The following NINJ2 variants were observed in gnomAD, a reference collection of about 807,000 sequenced individuals.
The protein encoded by NINJ2 is ninjurin 2, also known as ninjurin-2.
A neutral mutation model predicts 11.7 loss-of-function variants in NINJ2; 12 were observed. That is an observed-to-expected ratio of 1.02 (90% CI 0.66 to 1.66). The LOEUF (loss-of-function observed/expected upper bound fraction) is 1.66. Ranked by LOEUF, NINJ2 falls within the 40% of genes most tolerant of loss-of-function variation. NINJ2 has a pLI of 0.00. For missense variants in NINJ2, 187 were observed against 181.8 expected, an observed-to-expected ratio of 1.03 and a Z score of -0.16; for synonymous variants, 93 against 76.8, an observed-to-expected ratio of 1.21 and a Z score of -1.10.
intron 1 of NINJ2, among the ~76,000 whole-genome samples, chr12:606,612 C>G (rs1947945029): frequency 6.6e-6 from 1 of 152,150 alleles, no homozygotes; most frequent in South Asian, 2.1e-4. Flanking sequence ...CAGACATGAG[C>G]TCCAGAGGAC....
At chr12:565,765 G>A (rs1947288403) in intron 2 of NINJ2, 185 bp downstream of exon 2, 5 of 675,472 alleles carry the variant, frequency 7.4e-6, no homozygotes, top group African/African-American at 1.8e-5. Context: ...AGACAGGACA[G>A]GGCGCCTGCC....
chr12:565,577 TG>T, intron 2 of NINJ2, 176 bp from the exon 3 acceptor site: 1 of 659,220 alleles, frequency 1.5e-6, no homozygotes, highest in Admixed American at 2.8e-5. Flanking sequence ...ACCAGTACAA[TG>T]GGGCACCCTA....
intron 1 of NINJ2, chr12:642,976 C>A: frequency 6.7e-6 from 1 of 150,284 alleles, no homozygotes; most frequent in South Asian, 1.8e-4. Context: ...GCCCGGCCCT[C>A]CCTCCCCAGC....
chr12:569,874 C>T (rs1039084597), intron 1 of NINJ2, among the ~76,000 whole-genome samples: 1 of 152,238 alleles, frequency 6.6e-6, no homozygotes, highest in African/African-American at 2.4e-5. Flanking sequence ...CTGCCTTTCA[C>T]TGCGGGTGCT....
At position 591,649 on chromosome 12, in the gene NINJ2, G is replaced by T. The variant is rs936224349; in HGVS notation, c.34-25471C>A. 6.6e-6 allele frequency among the ~76,000 whole-genome samples: 1 copy of T among 152,172 alleles called. No homozygotes were observed. The highest frequency in any genetic ancestry group is 2.4e-5 in the African/African-American group (1 of 41,450). Reference sequence around the variant, plus strand: ...TCCCTGGAGGGACAGTGTCTGCTGTGAACAGATGTCACGGAGGGAGCAGTG... The same window carrying T: ...TCCCTGGAGGGACAGTGTCTGCTGTTAACAGATGTCACGGAGGGAGCAGTG... On this transcript the variant is annotated intron_variant, in intron 1 of 3. Transcript: ENST00000305108. The surrounding 1 kb of genome is among the most constrained non-coding windows in gnomAD (Gnocchi z 5.0).
At chr12:618,713 G>A (rs1028965872) in intron 1 of NINJ2, among the ~76,000 whole-genome samples, 10 of 152,330 alleles carry the variant, frequency 6.6e-5, no homozygotes, top group Middle Eastern at 6.8e-3. Flanking sequence ...TCTTATCGCA[G>A]AAGTTCTGTC....
At chr12:570,394 G>A (rs996361068) in intron 1 of NINJ2, among the ~76,000 whole-genome samples, 2 of 152,226 alleles carry the variant, frequency 1.3e-5, no homozygotes, top group African/African-American at 4.8e-5. Context: ...CTAGCGGGAG[G>A]AGAGGATCAG....
At chr12:610,679 T>C (rs921613795) in intron 1 of NINJ2, 46 of 967,756 alleles carry the variant, frequency 4.8e-5, no homozygotes, top group Non-Finnish European at 9.8e-6. Flanking sequence ...TCAACCTTGT[T>C]TAGCAGAACT....
intron 1 of NINJ2, among the ~76,000 whole-genome samples, chr12:568,258 T>C (rs1319854536): frequency 6.6e-6 from 1 of 152,240 alleles, no homozygotes; most frequent in African/African-American, 2.4e-5. Context: ...AATATGGTCT[T>C]GGGCACTCGT....
rs1399022815 is a variant in NINJ2 at position 614,791 on chromosome 12, C to T, written c.33+48537G>A. 6.6e-6 allele frequency among the ~76,000 whole-genome samples: 1 copy of T among 152,142 alleles called. No homozygotes were observed. Among genetic ancestry groups the T allele is most frequent in the African/African-American group, 2.4e-5 (1 of 41,422 alleles). On this transcript the variant is annotated intron_variant, in intron 1 of 3. Coordinates refer to ENST00000305108, the MANE Select transcript of NINJ2 (RefSeq NM_016533.6). This position sits in a 1 kb window ranked among gnomAD's most constrained non-coding sequence, Gnocchi z 5.1. ...CCCAGAGCTGAGTGTCTGTCTAGCT[C>T]AGGTTCCCAGAGGCCTAGGGGCAAG...
intron 1 of NINJ2, among the ~76,000 whole-genome samples, chr12:602,534 G>A (rs1284632280): frequency 6.6e-6 from 1 of 152,202 alleles, no homozygotes; most frequent in Admixed American, 6.5e-5. Context: ...TCAGCTGATA[G>A]GAATTTGAGT....
chr12:626,619 T>C (rs143649637), intron 1 of NINJ2, among the ~76,000 whole-genome samples: 6 of 152,300 alleles, frequency 3.9e-5, no homozygotes, highest in African/African-American at 1.2e-4. Flanking sequence ...AGAAGAAATA[T>C]GGCACTGTAG....
chr12:567,768 G>T (rs895321010), intron 1 of NINJ2, among the ~76,000 whole-genome samples: 2 of 152,210 alleles, frequency 1.3e-5, no homozygotes, highest in Non-Finnish European at 2.9e-5. Context: ...CACTTTGAGA[G>T]GCCAAGGCAG....
At position 581,684 on chromosome 12, in the gene NINJ2, G is replaced by A. The variant is rs1947557950; in HGVS notation, c.34-15506C>T. On this transcript the variant is annotated intron_variant, in intron 1 of 3. Coordinates refer to ENST00000305108, the MANE Select transcript of NINJ2 (RefSeq NM_016533.6). The surrounding 1 kb of genome is among the most constrained non-coding windows in gnomAD (Gnocchi z 4.9). The stretch of plus-strand genomic sequence containing the variant: ...AGCAGGGGAGGGCCGGCAAGTGGGT[G>A]CAGGGATCTGATCCCACTGCTGACC... 6.6e-6 allele frequency among the ~76,000 whole-genome samples: 1 copy of A among 152,176 alleles called. No homozygotes were observed. The highest frequency in any genetic ancestry group is 6.5e-5 in the Admixed American group (1 of 15,278).
chr12:574,331 AT>A (rs1047776579), intron 1 of NINJ2, among the ~76,000 whole-genome samples: 7 of 152,188 alleles, frequency 4.6e-5, no homozygotes, highest in Admixed American at 3.3e-4. Flanking sequence ...CTCAAAAAAA[AT>A]AATAATAATA....
At chr12:622,622 C>T (rs1057435979) in intron 1 of NINJ2, among the ~76,000 whole-genome samples, 3 of 152,008 alleles carry the variant, frequency 2.0e-5, no homozygotes, top group Non-Finnish European at 4.4e-5. Context: ...GTTAGAATGT[C>T]CTCCAAATTC....
rs111499692 is a variant in NINJ2, at chr12:613,934, A to T, written c.34-47756T>A. Among the ~76,000 whole-genome samples the T allele has an allele frequency of 2.4e-3, 371 of 152,030 alleles. 2 individuals are homozygous for T. The highest frequency in any genetic ancestry group is 0.012 in the East Asian group (61 of 5,184). On this transcript the variant is annotated intron_variant, in intron 1 of 3. Coordinates refer to ENST00000305108, the MANE Select transcript of NINJ2 (RefSeq NM_016533.6). ...AATAATAATAATAAATTAAATAAAT[A>T]AATTAATTAATTAATTAAAAATGGC...
chr12:643,327 AGCCCC>A lies in NINJ2; in HGVS notation c.33+19996_33+20000del, dbSNP rs757636668. On this transcript the variant is annotated intron_variant, in intron 1 of 3. Coordinates refer to ENST00000305108, the MANE Select transcript of NINJ2 (RefSeq NM_016533.6). ...CACCGTCGCGGCCTCGCAGCCTCGC[AGCCCC>A]GCGCCGGGTGGGGAGGGGAGGGTGG... is the stretch of plus-strand genomic sequence containing the variant. The A allele has an allele frequency of 3.1e-4, 185 of 602,056 alleles. 1 individual carries two copies. The highest frequency in any genetic ancestry group is 1.1e-3 in the African/African-American group (55 of 49,974). The allele number at this position is 602,056 out of a possible 1,614,324, so 37.3% of individuals were successfully genotyped here. A position where few individuals can be genotyped will look rare whatever the true frequency, so the allele number is the denominator to read the frequency against.
intron 1 of NINJ2, among the ~76,000 whole-genome samples, chr12:605,519 C>A (rs986021619): frequency 6.6e-6 from 1 of 152,198 alleles, no homozygotes; most frequent in Non-Finnish European, 1.5e-5. Context: ...GTGATTGCAC[C>A]ACTGCGCTCC....
Sources: gnomAD v4.1 joint callset for allele counts (sites outside exome capture counted in the v4.1 genomes callset) on GRCh38, gnomAD v4.1.1 for gene constraint, Gnocchi (gnomAD v3.1) non-coding constraint, MANE v1.5 for transcripts, NCBI Gene and HGNC (gene_info 2026-07-23, HGNC 2026-07-21) for gene names.